Variants in LYG2 observed in about 807,000 individuals in gnomAD.
The protein encoded by LYG2 is lysozyme g2.
LYG2 carries 25 observed loss-of-function variants against 22.4 expected under a neutral mutation model. The ratio of observed to expected loss-of-function variants is 1.12; its 90% CI spans 0.81 to 1.56. The LOEUF (loss-of-function observed/expected upper bound fraction) is 1.56. Among genes scored for constraint, LYG2 ranks in the 40% most tolerant of loss-of-function variants. The pLI is 0.00. For synonymous variants in LYG2, 88 were observed against 97.0 expected, an observed-to-expected ratio of 0.91 and a Z score of 0.55; for missense variants, 266 against 269.5, an observed-to-expected ratio of 0.99 and a Z score of 0.09.
rs747905809 is a variant in LYG2, at chr2:99,246,801, G to T, written c.63C>A (p.Tyr21Ter). The change falls in exon 4 of 7, where the codon TAC becomes TAA. Residue 21 changes from tyrosine (Y) to a stop codon, truncating the protein, a stop_gained. Transcript: ENST00000333017. LOFTEE classifies it high-confidence loss of function. ...IALIGTSRGS[Y>*]PFSHSMKPHL... is the part of the protein sequence containing the mutation. ...GAGGCTTCATTGAGTGACTGAAGGG[G>T]TATGAGCCCCTGGAAGTGCCTAGGA... The T allele has an allele frequency of 1.2e-5, 19 of 1,613,482 alleles. No homozygotes were observed. The Middle Eastern group carries it at 5.0e-4, about 42-fold the overall frequency.
intron 3 of LYG2, among the ~76,000 whole-genome samples, chr2:99,249,567 A>G (rs1229792488): frequency 6.6e-6 from 1 of 152,006 alleles, no homozygotes; most frequent in Non-Finnish European, 1.5e-5. Flanking sequence ...GTTCAAGACC[A>G]GTCTGACCAA....
In LYG2 at chr2:99,245,338, A is replaced by G. The variant is rs746993633; in HGVS notation, c.305T>C (p.Ile102Thr). The G allele has an allele frequency of 6.8e-6, 11 of 1,613,058 alleles. No homozygotes were observed. The highest frequency in any genetic ancestry group is 8.5e-6 in the Non-Finnish European group (10 of 1,179,500). ...AGATCCGCCATGGCTTTCCCTGGAG[A>G]TGATGGCTGCGATGACAGCAGGGTC... ...CVDPAVIAAIISRESHGGSVL... is the reference protein window; with the variant it reads ...CVDPAVIAAITSRESHGGSVL... The change falls in exon 5 of 7, where the codon ATC (isoleucine) becomes ACC (threonine). Residue 102 changes from isoleucine (I) to threonine (T), a missense_variant. By Grantham distance (89) the Ile-to-Thr change is moderately conservative. Transcript: ENST00000333017.
At chr2:99,250,973 A>C (rs2094025460) in intron 3 of LYG2, among the ~76,000 whole-genome samples, 4 of 152,250 alleles carry the variant, frequency 2.6e-5, no homozygotes, top group Admixed American at 2.0e-4. Context: ...AATAGTATTT[A>C]TAGAATTGTA....
intron 4 of LYG2, 25 bp from the exon 5 acceptor site, chr2:99,245,483 T>C: frequency 6.6e-7 from 1 of 1,508,234 alleles, no homozygotes; most frequent in Non-Finnish European, 9.1e-7. Flanking sequence ...AAGAAACTGT[T>C]TTTCCGGGCA....
At chr2:99,250,658 G>A (rs1377740252) in intron 3 of LYG2, among the ~76,000 whole-genome samples, 2 of 152,200 alleles carry the variant, frequency 1.3e-5, no homozygotes, top group Non-Finnish European at 2.9e-5. Flanking sequence ...ACAGGCGTGA[G>A]CCACCACGCC....
In LYG2 at chr2:99,243,786, C is replaced by G. The variant is rs2094010828; in HGVS notation, c.520+213G>C. On this transcript the variant is annotated intron_variant, in intron 6 of 6. Coordinates refer to ENST00000333017, the MANE Select transcript of LYG2 (RefSeq NM_175735.4). ...GCTCAGTAAGCAATGAATAAGAACCCCAACATTCTGCAGAAGAGGAAATGG... is the reference window on the plus strand; with the variant it reads ...GCTCAGTAAGCAATGAATAAGAACCGCAACATTCTGCAGAAGAGGAAATGG... The G allele has an allele frequency of 5.0e-6, 3 of 603,350 alleles. No individual in the cohort carries two copies. The Admixed American group carries it at 9.7e-5, about 19-fold the overall frequency. The allele number at this position is 603,350 out of a possible 1,614,324, so 37.4% of individuals were successfully genotyped here.
chr2:99,246,624 A>G, intron 4 of LYG2, 56 bp downstream of exon 4: 1 of 1,578,404 alleles, frequency 6.3e-7, no homozygotes, highest in Non-Finnish European at 8.6e-7. Flanking sequence ...TTCCTAAGAA[A>G]GAATCTGAAA....
rs903380692 is a variant in LYG2 at position 99,251,573 on chromosome 2, A to C, written c.43+2645T>G. Among the ~76,000 whole-genome samples the C allele has an allele frequency of 2.8e-4, 42 of 152,224 alleles. 2 individuals are homozygous for C. The highest frequency in any genetic ancestry group is 6.5e-5 in the Admixed American group (1 of 15,288). Reference sequence around the variant, plus strand: ...GCATTCTTAAATATAAATGTGAAATATCTGAATGCATAGTTGTTTTCCTTT... The same window carrying C: ...GCATTCTTAAATATAAATGTGAAATCTCTGAATGCATAGTTGTTTTCCTTT... On this transcript the variant is annotated intron_variant, in intron 3 of 6. Coordinates refer to ENST00000333017, the MANE Select transcript of LYG2 (RefSeq NM_175735.4).
intron 3 of LYG2, among the ~76,000 whole-genome samples, chr2:99,251,583 A>G (rs999202698): frequency 3.9e-5 from 6 of 152,164 alleles, no homozygotes; most frequent in African/African-American, 1.2e-4. Flanking sequence ...ATCTGAATGC[A>G]TAGTTGTTTT....
chr2:99,244,598 G>A (rs2094012495), intron 5 of LYG2, among the ~76,000 whole-genome samples: 1 of 152,138 alleles, frequency 6.6e-6, no homozygotes, highest in South Asian at 2.1e-4. Flanking sequence ...GTTATACCAT[G>A]TTTTGATCCA....
At chr2:99,249,114 A>G (rs2094021973) in intron 3 of LYG2, among the ~76,000 whole-genome samples, 1 of 152,190 alleles carries the variant, frequency 6.6e-6, no homozygotes, top group Non-Finnish European at 1.5e-5. Context: ...AAGAGTCCAA[A>G]TATTTGTTAT....
chr2:99,245,383 A>G lies in LYG2; in HGVS notation c.260T>C (p.Val87Ala), dbSNP rs767268780. The part of the protein sequence containing the change: ...IKPYQTLIKE[V>A]GQRHCVDPAV... ...AGGGTCCACGCAATGTCTCTGCCCGACTTCTTTGATCAGAGTCTGGTAAGG... is the reference window on the plus strand; with the variant it reads ...AGGGTCCACGCAATGTCTCTGCCCGGCTTCTTTGATCAGAGTCTGGTAAGG... The change falls in exon 5 of 7, where the codon GTC becomes GCC. Residue 87 changes from valine (V) to alanine (A), a missense_variant. By Grantham distance (64) the Val-to-Ala change is moderately conservative. Coordinates refer to ENST00000333017, the MANE Select transcript of LYG2 (RefSeq NM_175735.4). 6.2e-7 allele frequency: 1 copy of G among 1,613,124 alleles called. No individual in the cohort carries two copies. The highest frequency in any genetic ancestry group is 8.5e-7 in the Non-Finnish European group (1 of 1,179,548).
chr2:99,250,588 A>G (rs886130558), intron 3 of LYG2, among the ~76,000 whole-genome samples: 2 of 152,076 alleles, frequency 1.3e-5, no homozygotes, highest in East Asian at 1.9e-4. Context: ...GTTAGCCAGG[A>G]TGGTCTCGAT....
chr2:99,259,354 A>G (rs2094043084), upstream of LYG2, among the ~76,000 whole-genome samples: 1 of 152,214 alleles, frequency 6.6e-6, no homozygotes, highest in Admixed American at 6.5e-5. Context: ...CAAAAAATTC[A>G]TCAACAGAAG....
At chr2:99,256,469 T>C (rs1054194988), upstream of LYG2, among the ~76,000 whole-genome samples, 2 of 152,188 alleles carry the variant, frequency 1.3e-5, no homozygotes, top group African/African-American at 4.8e-5. Context: ...CCATAGTCTA[T>C]GACCCAGCGA....
chr2:99,247,732 G>T (rs1421898395), intron 3 of LYG2, among the ~76,000 whole-genome samples: 2 of 152,056 alleles, frequency 1.3e-5, no homozygotes, highest in African/African-American at 4.8e-5. Flanking sequence ...TTGACAAATG[G>T]GGTCTAATTA....
At chr2:99,254,553 C>A (rs1393431034) in intron 2 of LYG2, among the ~76,000 whole-genome samples, 1 of 152,090 alleles carries the variant, frequency 6.6e-6, no homozygotes, top group African/African-American at 2.4e-5. Flanking sequence ...ACACTCCCAT[C>A]CCACCTCTAA....
intron 6 of LYG2, 59 bp downstream of exon 6, chr2:99,243,940 T>C (rs759827601): frequency 1.2e-6 from 2 of 1,602,886 alleles, no homozygotes; most frequent in South Asian, 1.1e-5. Flanking sequence ...CGGGTCACAC[T>C]GGCCTTCAGT....
chr2:99,247,099 T>C (rs12053184), intron 3 of LYG2, among the ~76,000 whole-genome samples: 2,154 of 152,254 alleles, frequency 0.014, 16 homozygotes, highest in Middle Eastern at 0.024. Context: ...TCTTTTTTTT[T>C]CCTTTTTTTA....
Sources: gnomAD v4.1 joint callset for allele counts (sites outside exome capture counted in the v4.1 genomes callset) on GRCh38, gnomAD v4.1.1 for gene constraint, MANE v1.5 for transcripts, NCBI Gene and HGNC (gene_info 2026-07-23, HGNC 2026-07-21) for gene names.